The following WWOX variants were observed in gnomAD, a reference collection of about 807,000 sequenced individuals.
The protein encoded by WWOX is WW domain containing oxidoreductase.
A neutral mutation model predicts 46.2 loss-of-function variants in WWOX; 69 were observed. That is an observed-to-expected ratio of 1.49 (90% confidence interval 1.23 to 1.82). WWOX has a LOEUF of 1.82. WWOX is among the 40% of genes most tolerant of loss of function. The pLI is 0.00. For synonymous variants in WWOX, 359 were observed against 202.6 expected (o/e 1.77, Z -6.56); for missense variants, 919 against 542.6 (o/e 1.69, Z -6.89).
Position 78,349,640 on chromosome 16 carries a change from A to G in WWOX, c.517-37220A>G, listed in dbSNP as rs1016300458. 3.3e-5 allele frequency among the ~76,000 whole-genome samples: 4 copies of G among 120,090 alleles called. 2 individuals are homozygous for G. The highest frequency in any genetic ancestry group is 7.9e-5 in the Non-Finnish European group (4 of 50,330). The allele number at this position is 120,090 out of a possible 152,430, so 78.8% of individuals were successfully genotyped here. On this transcript the variant is annotated intron_variant, in intron 5 of 8. Coordinates refer to ENST00000566780, the MANE Select transcript of WWOX (RefSeq NM_016373.4). ...TATCCATGGATTGGTATGAGCCCTA[A>G]TGGTGCACCCTTCCGACAATCCTTC... is the stretch of plus-strand genomic sequence containing the variant.
At chr16:78,323,663 A>G (rs1337609428) in intron 5 of WWOX, among the ~76,000 whole-genome samples, 1 of 152,214 alleles carries the variant, frequency 6.6e-6, no homozygotes, top group African/African-American at 2.4e-5. Context: ...CATTGAAAGA[A>G]CAGGGAAGGG....
At chr16:79,057,733 A>G (rs2048289138) in intron 8 of WWOX, among the ~76,000 whole-genome samples, 1 of 152,158 alleles carries the variant, frequency 6.6e-6, no homozygotes, top group Non-Finnish European at 1.5e-5. Context: ...CAGAATAGGC[A>G]AGGTAGAAGA....
chr16:78,346,574 C>T lies in WWOX; in HGVS notation c.517-40286C>T, dbSNP rs1233116626. On this transcript the variant is annotated intron_variant, in intron 5 of 8. Coordinates refer to ENST00000566780, the MANE Select transcript of WWOX (RefSeq NM_016373.4). ...CTTAATAATACTTGATATTATTGGTCTTCTAAATTTTCTGTTTGGGTACAT... is the reference window on the plus strand; with the variant it reads ...CTTAATAATACTTGATATTATTGGTTTTCTAAATTTTCTGTTTGGGTACAT... Among the ~76,000 whole-genome samples, 3 of 119,586 alleles carry T rather than the reference C, an allele frequency of 2.5e-5. 1 individual carries two copies. The highest frequency in any genetic ancestry group is 8.5e-5 in the African/African-American group (3 of 35,320). 78.5% of individuals were successfully genotyped at this position (119,586 alleles called of 152,430 possible). A position where few individuals can be genotyped will look rare whatever the true frequency, so the allele number is the denominator to read the frequency against.
intron 5 of WWOX, among the ~76,000 whole-genome samples, chr16:78,183,894 C>T (rs1036143553): frequency 5.3e-5 from 8 of 152,200 alleles, no homozygotes; most frequent in African/African-American, 1.9e-4. Flanking sequence ...TTTACAGAAA[C>T]CTCTGGTCCG....
chr16:78,833,115 C>T (rs13338670), intron 8 of WWOX, among the ~76,000 whole-genome samples: 2 of 150,976 alleles, frequency 1.3e-5, no homozygotes, highest in East Asian at 2.0e-4. Context: ...AATCAGAGAT[C>T]ACTGCAGCCT....
rs761545702 is a variant in WWOX at position 78,432,621 on chromosome 16, C to A, written c.925C>A (p.Arg309Ser). The A allele has an allele frequency of 6.2e-7, 1 of 1,614,188 alleles. No homozygotes were observed. Among genetic ancestry groups the A allele is most frequent in the Non-Finnish European group, 8.5e-7 (1 of 1,180,040 alleles). Reference protein sequence around the residue: ...CNILFSNELHRRLSPRGVTSN... With the variant: ...CNILFSNELHSRLSPRGVTSN... Reference sequence around the variant, plus strand: ...CATCCTCTTCTCCAACGAGCTGCACCGTCGCCTCTCCCCACGCGGGGTCAC... The same window carrying A: ...CATCCTCTTCTCCAACGAGCTGCACAGTCGCCTCTCCCCACGCGGGGTCAC... Residue 309 changes from arginine (R) to serine (S), a missense_variant, in exon 8 of 9, where the codon CGT becomes AGT. By Grantham distance (110) the Arg-to-Ser change is moderately radical. Coordinates refer to ENST00000566780, the MANE Select transcript of WWOX (RefSeq NM_016373.4).
At chr16:78,603,444 C>T (rs2045671254) in intron 8 of WWOX, among the ~76,000 whole-genome samples, 1 of 152,164 alleles carries the variant, frequency 6.6e-6, no homozygotes, top group Non-Finnish European at 1.5e-5. Context: ...CCTGCAATCC[C>T]AGCATTTTGG....
intron 4 of WWOX, among the ~76,000 whole-genome samples, chr16:78,121,107 C>G (rs752097571): frequency 6.6e-6 from 1 of 152,108 alleles, no homozygotes; most frequent in African/African-American, 2.4e-5. Context: ...CTTGAAATGC[C>G]TGATTAGTTT....
At chr16:78,364,055 A>C (rs552059239) in intron 5 of WWOX, among the ~76,000 whole-genome samples, 1 of 152,100 alleles carries the variant, frequency 6.6e-6, no homozygotes, top group African/African-American at 2.4e-5. Context: ...CCCCCCACTC[A>C]GTCTTGTTTT....
chr16:78,706,301 C>G (rs568999155), intron 8 of WWOX, among the ~76,000 whole-genome samples: 1 of 152,088 alleles, frequency 6.6e-6, no homozygotes, highest in African/African-American at 2.4e-5. Context: ...ACACATCCTT[C>G]AACACATCTC....
chr16:78,101,134 G>A (rs1247949016), intron 1 of WWOX, among the ~76,000 whole-genome samples: 1 of 150,728 alleles, frequency 6.6e-6, no homozygotes. Context: ...TGCAGCCTCC[G>A]CCTCCCGGGT....
intron 8 of WWOX, among the ~76,000 whole-genome samples, chr16:78,505,900 T>C (rs2085190380): frequency 6.6e-6 from 1 of 152,128 alleles, no homozygotes; most frequent in Non-Finnish European, 1.5e-5. Flanking sequence ...TCCCTAATCA[T>C]GAGCAATGTG....
At chr16:78,982,040 T>C (rs911981845) in intron 8 of WWOX, among the ~76,000 whole-genome samples, 8 of 152,308 alleles carry the variant, frequency 5.3e-5, no homozygotes, top group African/African-American at 1.7e-4. Context: ...TCTGGACCTA[T>C]GCTGGGTGAA....
chr16:78,177,340 A>T (rs941184513), intron 5 of WWOX, among the ~76,000 whole-genome samples: 27 of 152,158 alleles, frequency 1.8e-4, no homozygotes, highest in Non-Finnish European at 5.9e-5. Flanking sequence ...GTGACACAAG[A>T]TAGTCTAGAA....
intron 5 of WWOX, among the ~76,000 whole-genome samples, chr16:78,386,533 C>T (rs2151933800): frequency 6.6e-6 from 1 of 152,266 alleles, no homozygotes; most frequent in Non-Finnish European, 1.5e-5. Flanking sequence ...CCCCTCCTTA[C>T]AGCGTTTTAG....
At chr16:79,147,477 T>G (rs779416165) in intron 8 of WWOX, among the ~76,000 whole-genome samples, 1 of 152,234 alleles carries the variant, frequency 6.6e-6, no homozygotes, top group East Asian at 1.9e-4. Flanking sequence ...ATTGTACATA[T>G]AAGTGATCGT....
intron 8 of WWOX, among the ~76,000 whole-genome samples, chr16:78,768,398 T>A (rs190641834): frequency 2.0e-4 from 30 of 151,642 alleles, no homozygotes; most frequent in African/African-American, 7.0e-4. Flanking sequence ...GAGACCACAC[T>A]GGCCAACATG....
intron 5 of WWOX, chr16:78,241,243 A>G (rs1446671228): frequency 6.6e-6 from 1 of 152,192 alleles, no homozygotes; most frequent in Admixed American, 6.5e-5. Flanking sequence ...CCCAGCACAT[A>G]GTAAGTGCTC....
intron 8 of WWOX, among the ~76,000 whole-genome samples, chr16:78,491,092 C>T (rs1322712050): frequency 6.6e-6 from 1 of 152,160 alleles, no homozygotes; most frequent in Non-Finnish European, 1.5e-5. Context: ...CAGCTGTGCC[C>T]TCTCCCCGAG....
Sources: gnomAD v4.1 joint callset for allele counts (sites outside exome capture counted in the v4.1 genomes callset) on GRCh38, gnomAD v4.1.1 for gene constraint, MANE v1.5 for transcripts, NCBI Gene and HGNC (gene_info 2026-07-23, HGNC 2026-07-21) for gene names.